DCUN1D4: variants seen among roughly 807,000 people sequenced by gnomAD.
DCUN1D4 encodes DCN1-like protein 4.
A neutral mutation model predicts 47.9 loss-of-function variants in DCUN1D4; 22 were observed. The ratio of observed to expected loss-of-function variants is 0.46; its 90% CI spans 0.33 to 0.66. The LOEUF is 0.66. Ranked by LOEUF, DCUN1D4 falls within the 30% of genes least tolerant of loss-of-function variation. The pLI is 0.02. For synonymous variants in DCUN1D4, 121 were observed against 112.2 expected (o/e 1.08, Z -0.50); for missense variants, 301 against 340.8 (o/e 0.88, Z 0.92).
intron 7 of DCUN1D4, among the ~76,000 whole-genome samples, chr4:51,892,413 C>T (rs747338643): frequency 3.4e-4 from 51 of 152,222 alleles, no homozygotes; most frequent in Admixed American, 5.9e-4. Flanking sequence ...TTGAGTTGAA[C>T]GGTGCAGTTT....
Position 51,843,164 on chromosome 4 carries a change from G to A in DCUN1D4, c.-79G>A, listed in dbSNP as rs1018309243. 1.2e-5 allele frequency: 19 copies of A among 1,527,224 alleles called. No homozygotes were observed. The South Asian group carries it at 1.5e-4, about 12-fold the overall frequency. The allele number at this position is 1,527,224 out of a possible 1,614,324, so 94.6% of individuals were successfully genotyped here. A position where few individuals can be genotyped will look rare whatever the true frequency, so the allele number is the denominator to read the frequency against. ...GGCGGCGGGTCCTCAGCTTCGAGCC[G>A]AGGTGCAGTGAGCTGGTGGGGGGAC... On this transcript the variant is annotated 5_prime_UTR_variant, in exon 1 of 11. Coordinates refer to ENST00000334635, the MANE Select transcript of DCUN1D4 (RefSeq NM_001040402.3).
chr4:51,861,115 A>C (rs1307616426), intron 1 of DCUN1D4, among the ~76,000 whole-genome samples: 1 of 152,236 alleles, frequency 6.6e-6, no homozygotes, highest in Admixed American at 6.5e-5. Context: ...ATTTTCAACC[A>C]TACAACAACA....
At chr4:51,883,295 C>G (rs1044144211) in intron 5 of DCUN1D4, among the ~76,000 whole-genome samples, 1 of 152,146 alleles carries the variant, frequency 6.6e-6, no homozygotes, top group African/African-American at 2.4e-5. Flanking sequence ...CAGGAGGATA[C>G]TATCATGTCT....
intron 5 of DCUN1D4, among the ~76,000 whole-genome samples, chr4:51,885,749 C>G (rs1241800312): frequency 1.3e-5 from 2 of 151,970 alleles, no homozygotes. Context: ...CAAATTTAAC[C>G]ATCTGGGAGA....
At chr4:51,858,155 A>G (rs768957593) in intron 1 of DCUN1D4, among the ~76,000 whole-genome samples, 67 of 152,218 alleles carry the variant, frequency 4.4e-4, no homozygotes, top group Non-Finnish European at 1.3e-4. Flanking sequence ...AAATAATTGT[A>G]TATATTTACG....
chr4:51,867,223 G>A (rs962577282), intron 3 of DCUN1D4, among the ~76,000 whole-genome samples: 2 of 152,190 alleles, frequency 1.3e-5, no homozygotes, highest in African/African-American at 2.4e-5. Flanking sequence ...GGTGGCGCCC[G>A]GAAGCTTGGA....
chr4:51,899,020 G>C (rs1731701687), intron 7 of DCUN1D4, among the ~76,000 whole-genome samples: 1 of 152,166 alleles, frequency 6.6e-6, no homozygotes, highest in Non-Finnish European at 1.5e-5. Flanking sequence ...ATGTATATGA[G>C]AGAGAGTACA....
intron 5 of DCUN1D4, among the ~76,000 whole-genome samples, chr4:51,878,843 T>C (rs905146180): frequency 2.0e-5 from 3 of 152,360 alleles, no homozygotes; most frequent in African/African-American, 7.2e-5. Flanking sequence ...TTCCCTTTTA[T>C]TGGTATCAAA....
Position 51,843,255 on chromosome 4 carries a change from G to A in DCUN1D4, c.13G>A (p.Ala5Thr). 6.5e-7 allele frequency: 1 copy of A among 1,542,308 alleles called. No individual in the cohort carries two copies. Among genetic ancestry groups the A allele is most frequent in the Non-Finnish European group, 8.7e-7 (1 of 1,144,050 alleles). Residue 5 changes from alanine (A) to threonine (T), a missense_variant, in exon 1 of 11, where the codon GCC becomes ACC. Around this residue, in one of 2 missense-constraint regions of DCUN1D4, gnomAD observed 131 missense variants for 106.3 expected, o/e 1.23. Coordinates refer to ENST00000334635, the MANE Select transcript of DCUN1D4 (RefSeq NM_001040402.3). Reference protein sequence around the residue: MHSDAAAVNFQLNSH... With the variant: MHSDTAAVNFQLNSH... ...GAGCTGCCTGAAAATGCACTCGGAT[G>A]CCGCCGCTGTCAGTGAGTAGCAGAG...
At chr4:51,907,560 A>G (rs1404546396) in intron 8 of DCUN1D4, among the ~76,000 whole-genome samples, 1 of 152,098 alleles carries the variant, frequency 6.6e-6, no homozygotes, top group Non-Finnish European at 1.5e-5. Context: ...TTCTGACTTC[A>G]CCATTTATGT....
intron 3 of DCUN1D4, among the ~76,000 whole-genome samples, chr4:51,869,972 G>T (rs966759605): frequency 6.6e-6 from 1 of 152,264 alleles, no homozygotes; most frequent in South Asian, 2.1e-4. Context: ...ACACAATTTT[G>T]ATTGCTTTCC....
intron 6 of DCUN1D4, among the ~76,000 whole-genome samples, chr4:51,888,327 G>A (rs999528424): frequency 5.9e-5 from 9 of 152,110 alleles, no homozygotes; most frequent in Non-Finnish European, 8.8e-5. Flanking sequence ...GAGCACTGAC[G>A]TTGACTCTAA....
At position 51,874,343 on chromosome 4, in the gene DCUN1D4, C is replaced by T. The variant is rs1727356410; in HGVS notation, c.209C>T (p.Ala70Val). 2 of 1,613,580 alleles carry T rather than the reference C, an allele frequency of 1.2e-6. No individual in the cohort carries two copies. The highest frequency in any genetic ancestry group is 1.1e-5 in the South Asian group (1 of 91,040). Residue 70 changes from alanine (A) to valine (V), a missense_variant, in exon 4 of 11, where the codon GCC becomes GTC. Physicochemically the swap from Ala to Val is moderately conservative, Grantham distance 64 (BLOSUM62 0). Coordinates refer to ENST00000334635, the MANE Select transcript of DCUN1D4 (RefSeq NM_001040402.3). ...VMPPRKKRRP[A>V]SGDDLSAKKS... The stretch of plus-strand genomic sequence containing the variant: ...CCACCAAGGAAAAAGAGAAGACCTG[C>T]CTCTGGAGATGATTTATCTGCCAAG...
intron 7 of DCUN1D4, among the ~76,000 whole-genome samples, chr4:51,892,795 G>A (rs761071743): frequency 3.3e-5 from 5 of 152,182 alleles, no homozygotes; most frequent in Non-Finnish European, 5.9e-5. Context: ...TAGCATTGAC[G>A]ATGAAGTGCT....
At chr4:51,847,657 T>C (rs1223832482) in intron 1 of DCUN1D4, among the ~76,000 whole-genome samples, 1 of 151,970 alleles carries the variant, frequency 6.6e-6, no homozygotes, top group Non-Finnish European at 1.5e-5. Context: ...GGTCTTGTTA[T>C]GTTGCCTAGG....
chr4:51,855,947 CT>C (rs1414019442), intron 1 of DCUN1D4, among the ~76,000 whole-genome samples: 1 of 152,106 alleles, frequency 6.6e-6, no homozygotes. Context: ...TTTTTGTTTT[CT>C]TTTCCCATAT....
chr4:51,843,186 G>A lies in DCUN1D4; in HGVS notation c.-57G>A, dbSNP rs1192649941. The stretch of plus-strand genomic sequence containing the variant: ...GCCGAGGTGCAGTGAGCTGGTGGGG[G>A]GACCGCGAGGCGAGCGCGGGAGCCT... On this transcript the variant is annotated 5_prime_UTR_variant, in exon 1 of 11. Transcript: ENST00000334635. The A allele has an allele frequency of 1.3e-6, 2 of 1,535,480 alleles. No homozygotes were observed. The highest frequency in any genetic ancestry group is 1.8e-6 in the Non-Finnish European group (2 of 1,141,752).
intron 5 of DCUN1D4, among the ~76,000 whole-genome samples, chr4:51,881,119 C>G (rs1402687153): frequency 6.6e-6 from 1 of 151,896 alleles, no homozygotes; most frequent in Non-Finnish European, 1.5e-5. Flanking sequence ...CAGAGTGAGA[C>G]TCCGTCTCAA....
intron 1 of DCUN1D4, among the ~76,000 whole-genome samples, chr4:51,850,759 C>T (rs1038714447): frequency 1.8e-4 from 28 of 151,694 alleles, no homozygotes; most frequent in East Asian, 1.9e-4. Context: ...TGTGTGCGGG[C>T]GTGGGGTGGG....
Sources: allele counts gnomAD v4.1 joint callset (sites outside exome capture counted in the v4.1 genomes callset), GRCh38; gene constraint gnomAD v4.1.1; regional missense constraint gnomAD v4.1.1; transcripts MANE v1.5; gene names NCBI Gene and HGNC (gene_info 2026-07-23, HGNC 2026-07-21).